IL6ST: variants seen among roughly 807,000 people sequenced by gnomAD.
IL6ST encodes the protein interleukin 6 cytokine family signal transducer, also known as interleukin-6 receptor subunit beta.
Under a neutral mutation model 91.3 loss-of-function variants are expected in IL6ST, and 24 were observed. The observed-to-expected ratio is 0.26, with a 90% confidence interval of 0.19 to 0.37. The LOEUF (loss-of-function observed/expected upper bound fraction) is 0.37. Ranked by LOEUF, IL6ST falls within the 10% of genes least tolerant of loss-of-function variation. The pLI is 1.00. For synonymous variants in IL6ST, 351 were observed against 373.6 expected (o/e 0.94, Z 0.70); for missense variants, 914 against 1,078.5 (o/e 0.85, Z 2.14).
chr5:55,960,710 C>T (rs533790787), intron 7 of IL6ST, 149 bp from the exon 8 acceptor site: 19 of 607,120 alleles, frequency 3.1e-5, no homozygotes, highest in African/African-American at 3.0e-4. Flanking sequence ...TCAACACAAC[C>T]TCTACCTCTC....
chr5:55,990,205 G>C (rs1754232086), intron 1 of IL6ST, among the ~76,000 whole-genome samples: 1 of 151,932 alleles, frequency 6.6e-6, no homozygotes, highest in Admixed American at 6.6e-5. Context: ...TTCAGCCAAT[G>C]TAGCTCTCTT....
intron 1 of IL6ST, among the ~76,000 whole-genome samples, chr5:55,988,768 A>AT: frequency 1.7e-5 from 1 of 59,024 alleles, no homozygotes; most frequent in Admixed American, 1.4e-4. Context: ...CTCCATCTCC[A>AT]AAAAAAAAAA....
At chr5:55,946,880 G>C (rs1198357776) in intron 15 of IL6ST, among the ~76,000 whole-genome samples, 1 of 151,528 alleles carries the variant, frequency 6.6e-6, no homozygotes, top group Non-Finnish European at 1.5e-5. Context: ...TTATGTAAAA[G>C]ACATACGCAA....
intron 3 of IL6ST, among the ~76,000 whole-genome samples, chr5:55,971,989 C>A (rs1752994167): frequency 1.3e-5 from 2 of 152,174 alleles, no homozygotes. Flanking sequence ...TTTCCAATAG[C>A]ATGGTCCTTC....
intron 2 of IL6ST, among the ~76,000 whole-genome samples, chr5:55,979,128 A>G (rs563552572): frequency 6.6e-6 from 1 of 152,268 alleles, no homozygotes; most frequent in Non-Finnish European, 1.5e-5. Flanking sequence ...GCAGTGGCCC[A>G]CACCTGTCAT....
chr5:55,966,324 T>C (rs1752628588), intron 5 of IL6ST, among the ~76,000 whole-genome samples: 1 of 152,164 alleles, frequency 6.6e-6, no homozygotes, highest in African/African-American at 2.4e-5. Context: ...TGGTGAAGAA[T>C]ATCAGACAGG....
At chr5:55,961,428 T>C (rs1752309406) in intron 7 of IL6ST, among the ~76,000 whole-genome samples, 1 of 152,052 alleles carries the variant, frequency 6.6e-6, no homozygotes, top group Non-Finnish European at 1.5e-5. Context: ...GCCGGTCAGC[T>C]AGAGAGGGCT....
chr5:55,974,738 G>A (rs568507054), intron 3 of IL6ST, among the ~76,000 whole-genome samples: 2 of 151,942 alleles, frequency 1.3e-5, no homozygotes, highest in Non-Finnish European at 2.9e-5. Context: ...CACCCATCTC[G>A]GCCTCCCAAA....
intron 14 of IL6ST, among the ~76,000 whole-genome samples, chr5:55,951,135 T>C (rs1049438980): frequency 3.9e-5 from 6 of 152,024 alleles, no homozygotes; most frequent in African/African-American, 1.5e-4. Context: ...GGACTAGTCC[T>C]TCAAGTAATC....
chr5:55,971,003 A>G (rs2111822628), intron 3 of IL6ST, among the ~76,000 whole-genome samples: 1 of 152,304 alleles, frequency 6.6e-6, no homozygotes, highest in South Asian at 2.1e-4. Context: ...CACCTACTCC[A>G]CATTGATGAC....
intron 11 of IL6ST, among the ~76,000 whole-genome samples, chr5:55,953,302 T>C (rs1186418616): frequency 6.6e-6 from 1 of 152,218 alleles, no homozygotes; most frequent in Non-Finnish European, 1.5e-5. Context: ...AATGAACAAT[T>C]TTTATATTCT....
At chr5:55,945,994 G>A (rs538519235) in intron 15 of IL6ST, among the ~76,000 whole-genome samples, 12 of 152,144 alleles carry the variant, frequency 7.9e-5, no homozygotes, top group African/African-American at 2.9e-4. Context: ...TGGGACAAAA[G>A]TTTGCAAAAC....
Position 55,942,741 on chromosome 5 carries a change from G to GT in IL6ST, c.1947dup (p.His650ThrfsTer5). 1 of 1,600,210 alleles carries GT rather than the reference G, an allele frequency of 6.2e-7. No individual in the cohort carries two copies. Among genetic ancestry groups the GT allele is most frequent in the Non-Finnish European group, 8.6e-7 (1 of 1,169,242 alleles). ...GGATCTGGAACATTAGGCCAGATGT[G>GT]TTTTTTAATTCTGAAGAGAAAAGAA... On this transcript the variant is annotated frameshift_variant, in exon 16 of 17. Coordinates refer to ENST00000381298, the MANE Select transcript of IL6ST (RefSeq NM_002184.4). LOFTEE classifies it high-confidence loss of function.
In IL6ST at chr5:55,940,122, G is replaced by GATATGTGTGTGTGT. The variant is rs1554022454; in HGVS notation, c.*959_*960insACACACACACATAT. 18 of 176,622 alleles carry GATATGTGTGTGTGT rather than the reference G, an allele frequency of 1.0e-4. No homozygotes were observed. Among genetic ancestry groups the GATATGTGTGTGTGT allele is most frequent in the African/African-American group, 3.8e-4 (14 of 37,116 alleles). The allele number at this position is 176,622 out of a possible 1,614,324, so 10.9% of individuals were successfully genotyped here. A position where few individuals can be genotyped will look rare whatever the true frequency, so the allele number is the denominator to read the frequency against. ...CTCTGAAGTCTTAAGAAAAGTCAAT[G>GATATGTGTGTGTGT]ATATGTGTGTGTATATATATATATA... On this transcript the variant is annotated 3_prime_UTR_variant, in exon 17 of 17. Transcript: ENST00000381298.
At chr5:55,945,776 G>A (rs186531380) in intron 15 of IL6ST, among the ~76,000 whole-genome samples, 15 of 137,364 alleles carry the variant, frequency 1.1e-4, no homozygotes, top group East Asian at 4.9e-4. Flanking sequence ...TCAGCCTCCC[G>A]AGTAGCTGGG....
intron 11 of IL6ST, among the ~76,000 whole-genome samples, chr5:55,953,566 A>G (rs1751773334): frequency 6.6e-6 from 1 of 152,184 alleles, no homozygotes; most frequent in Admixed American, 6.5e-5. Flanking sequence ...ATTTTGTTTT[A>G]GTAGAGACGG....
intron 3 of IL6ST, among the ~76,000 whole-genome samples, chr5:55,973,766 G>A (rs1448049900): frequency 1.3e-5 from 2 of 152,186 alleles, no homozygotes; most frequent in Non-Finnish European, 2.9e-5. Flanking sequence ...TTGTGAGGCA[G>A]CAACAGGTAG....
At chr5:55,949,241 T>C (rs757469533) in intron 14 of IL6ST, among the ~76,000 whole-genome samples, 2 of 152,110 alleles carry the variant, frequency 1.3e-5, no homozygotes, top group Non-Finnish European at 2.9e-5. Flanking sequence ...TCTGGGAGGC[T>C]AAGGCAGGAG....
chr5:55,969,605 A>C lies in IL6ST; in HGVS notation c.315T>G (p.Ile105Met), dbSNP rs1752839391. 8.1e-6 allele frequency: 13 copies of C among 1,613,248 alleles called. No homozygotes were observed. Among genetic ancestry groups the C allele is most frequent in the Non-Finnish European group, 1.0e-5 (12 of 1,179,482 alleles). ...TCTGTTCAAGCTGTCCGAATGTAAG[A>C]ATGTTGCAAGTGAGCTGAATATTTA... ...ASLNIQLTCN[I>M]LTFGQLEQNV... Residue 105 changes from isoleucine (I) to methionine (M), a missense_variant, in exon 4 of 17, where the codon ATT becomes ATG. Coordinates refer to ENST00000381298, the MANE Select transcript of IL6ST (RefSeq NM_002184.4).
Sources: allele counts gnomAD v4.1 joint callset (sites outside exome capture counted in the v4.1 genomes callset), GRCh38; gene constraint gnomAD v4.1.1; transcripts MANE v1.5; gene names NCBI Gene and HGNC (gene_info 2026-07-23, HGNC 2026-07-21).